Variants in SRSF3 observed in about 807,000 individuals in gnomAD.
SRSF3 encodes serine/arginine-rich splicing factor 3.
For missense variants in SRSF3, 58 were observed against 217.1 expected (o/e 0.27, Z 4.61); for synonymous variants, 87 against 73.6 (o/e 1.18, Z -0.93).
In SRSF3 at chr6:36,602,099, G is replaced by A. The variant is rs1336670119; in HGVS notation, c.*110G>A. 12 of 1,531,108 alleles carry A rather than the reference G, an allele frequency of 7.8e-6. No individual in the cohort carries two copies. The highest frequency in any genetic ancestry group is 2.3e-5 in the East Asian group (1 of 44,130). 94.8% of individuals were successfully genotyped at this position (1,531,108 alleles called of 1,614,324 possible). A position where few individuals can be genotyped will look rare whatever the true frequency, so the allele number is the denominator to read the frequency against. On this transcript the variant is annotated 3_prime_UTR_variant, in exon 6 of 6. Transcript: ENST00000373715. Reference sequence around the variant, plus strand: ...CTTCATAAGCTTGGTGCATTTTTAAGATGTTTTAGCTGTTCAAATCTGTTT... The same window carrying A: ...CTTCATAAGCTTGGTGCATTTTTAAAATGTTTTAGCTGTTCAAATCTGTTT...
Position 36,603,870 on chromosome 6 carries a change from T to G in SRSF3, c.*1881T>G, listed in dbSNP as rs1315607090. On this transcript the variant is annotated 3_prime_UTR_variant, in exon 6 of 6. Transcript: ENST00000373715. The stretch of plus-strand genomic sequence containing the variant: ...CAGTATATGACTTCCTTGCAGGCTC[T>G]TAAGTTGGAAGGGTTTCTGTAAAAA... 1 of 231,326 alleles carries G rather than the reference T, an allele frequency of 4.3e-6. No homozygotes were observed. Among genetic ancestry groups the G allele is most frequent in the South Asian group, 1.8e-4 (1 of 5,498 alleles). The allele number at this position is 231,326 out of a possible 1,614,324, so 14.3% of individuals were successfully genotyped here. A position where few individuals can be genotyped will look rare whatever the true frequency, so the allele number is the denominator to read the frequency against.
chr6:36,604,161 G>C lies in SRSF3; in HGVS notation c.*2172G>C, dbSNP rs540147705. On this transcript the variant is annotated 3_prime_UTR_variant, in exon 6 of 6. Coordinates refer to ENST00000373715, the MANE Select transcript of SRSF3 (RefSeq NM_003017.5). ...ATAACAGGTCACACTAACCGGTCTT[G>C]TCCATATTCAGGGTTGAGTGTAAAA... is the stretch of plus-strand genomic sequence containing the variant. 9.0e-5 allele frequency: 20 copies of C among 222,804 alleles called. No individual in the cohort carries two copies. Among genetic ancestry groups the C allele is most frequent in the African/African-American group, 4.0e-4 (18 of 44,836 alleles). The allele number at this position is 222,804 out of a possible 1,614,324, so 13.8% of individuals were successfully genotyped here.
At chr6:36,600,003 C>T (rs1046858015) in intron 3 of SRSF3, 2 of 1,274,134 alleles carry the variant, frequency 1.6e-6, no homozygotes, top group East Asian at 5.6e-5. Flanking sequence ...TTTCTCTCAG[C>T]CTTCTCTCCA....
chr6:36,599,176 T>C (rs1377306415), intron 3 of SRSF3, among the ~76,000 whole-genome samples, 193 bp downstream of exon 3: 1 of 152,212 alleles, frequency 6.6e-6, no homozygotes, highest in African/African-American at 2.4e-5. Context: ...TCACTGTTCA[T>C]GTTGGTAGTC....
intron 2 of SRSF3, 158 bp downstream of exon 2, chr6:36,597,126 AGAC>A: frequency 1.7e-6 from 1 of 590,228 alleles, no homozygotes; most frequent in Non-Finnish European, 2.7e-6. Flanking sequence ...TTTGGTGGGG[AGAC>A]GAGTCTTGCA....
rs1778772809 is a variant in SRSF3, at chr6:36,604,106, T to C, written c.*2117T>C. 1 of 224,528 alleles carries C rather than the reference T, an allele frequency of 4.5e-6. No individual in the cohort carries two copies. Among genetic ancestry groups the C allele is most frequent in the African/African-American group, 2.2e-5 (1 of 44,940 alleles). The allele number at this position is 224,528 out of a possible 1,614,324, so 13.9% of individuals were successfully genotyped here. ...GAATTGCACATTTAGATTGTGGCTA[T>C]TAGGAATTTTTAAAGTTGTAATTCC... On this transcript the variant is annotated 3_prime_UTR_variant, in exon 6 of 6. Transcript: ENST00000373715.
rs549504084 is a variant in SRSF3, at chr6:36,605,395, C to T, written c.*3406C>T. On this transcript the variant is annotated 3_prime_UTR_variant, in exon 6 of 6. Coordinates refer to ENST00000373715, the MANE Select transcript of SRSF3 (RefSeq NM_003017.5). ...ATGCCAGCCACTTGGGAGGCTGAGG[C>T]AGGAGAAGTGCTTAAACCTGGTGGG... 2.6e-4 allele frequency: 40 copies of T among 151,438 alleles called. No individual in the cohort carries two copies. The East Asian group carries it at 7.6e-3, about 29-fold the overall frequency. The allele number at this position is 151,438 out of a possible 1,614,324, so 9.4% of individuals were successfully genotyped here. A position where few individuals can be genotyped will look rare whatever the true frequency, so the allele number is the denominator to read the frequency against.
chr6:36,595,931 G>GTTTT (rs200013684), intron 1 of SRSF3, among the ~76,000 whole-genome samples: 2 of 143,562 alleles, frequency 1.4e-5, no homozygotes, highest in Non-Finnish European at 3.1e-5. Context: ...ATTTATTTGT[G>GTTTT]GTTTTTTTTT....
rs752335860 is a variant in SRSF3, at chr6:36,601,699, C to A, written c.381-9C>A. 1.3e-6 allele frequency: 2 copies of A among 1,583,046 alleles called. No individual in the cohort carries two copies. Among genetic ancestry groups the A allele is most frequent in the Non-Finnish European group, 1.7e-6 (2 of 1,157,578 alleles). On this transcript the variant is annotated splice_polypyrimidine_tract_variant and intron_variant, in intron 4 of 5. Transcript: ENST00000373715. ...CCTCATTGGTCCTAATGTTTTTTTG[C>A]TTGTTTAGGTCCCTTTCTAGAGATA...
chr6:36,601,893 A>G (rs1426115899), intron 5 of SRSF3, 69 bp from the exon 6 acceptor site: 7 of 1,587,800 alleles, frequency 4.4e-6, no homozygotes, highest in Non-Finnish European at 4.3e-6. Context: ...TTCTATTTCG[A>G]TATGTCACTA....
chr6:36,601,808 T>A lies in SRSF3; in HGVS notation c.467+14T>A. On this transcript the variant is annotated intron_variant, in intron 5 of 5. Coordinates refer to ENST00000373715, the MANE Select transcript of SRSF3 (RefSeq NM_003017.5). The stretch of plus-strand genomic sequence containing the variant: ...TAGGTCTCGTAGGTAAGATCTTTGA[T>A]AACTTGTATTTAAGACTTTGCATAC... 1 of 1,606,522 alleles carries A rather than the reference T, an allele frequency of 6.2e-7. No homozygotes were observed. The highest frequency in any genetic ancestry group is 8.5e-7 in the Non-Finnish European group (1 of 1,173,870).
In SRSF3 at chr6:36,597,188, C is replaced by G. The variant is rs1239839112; in HGVS notation, c.206+220C>G. The G allele has an allele frequency of 1.2e-5, 7 of 560,964 alleles. No individual in the cohort carries two copies. In the South Asian group the frequency reaches 1.5e-4, roughly 12 times the overall value. The allele number at this position is 560,964 out of a possible 1,614,324, so 34.7% of individuals were successfully genotyped here. On this transcript the variant is annotated intron_variant, in intron 2 of 5. Transcript: ENST00000373715. The stretch of plus-strand genomic sequence containing the variant: ...GGTACAGTCTCCCGCTCCCCGCAAC[C>G]TCGGCCTCCGGGGTTCAAGTGATTC...
chr6:36,601,090 A>G, intron 3 of SRSF3, 62 bp from the exon 4 acceptor site: 1 of 1,471,648 alleles, frequency 6.8e-7, no homozygotes, highest in Non-Finnish European at 9.2e-7. Flanking sequence ...AAAAGTTGGG[A>G]AATGCCTCAC....
chr6:36,596,257 C>T (rs1778625322), intron 1 of SRSF3, among the ~76,000 whole-genome samples: 1 of 152,016 alleles, frequency 6.6e-6, no homozygotes, highest in Non-Finnish European at 1.5e-5. Flanking sequence ...AATCGTTGGC[C>T]TTATTTTTAT....
chr6:36,597,094 G>GT, intron 2 of SRSF3, 126 bp downstream of exon 2: 1 of 614,110 alleles, frequency 1.6e-6, no homozygotes, highest in Non-Finnish European at 2.7e-6. Context: ...ATACAATTGG[G>GT]ATCTTTTTTT....
At chr6:36,598,379 G>A (rs1473255151) in intron 2 of SRSF3, 3 of 152,092 alleles carry the variant, frequency 2.0e-5, no homozygotes, top group Admixed American at 1.3e-4. Flanking sequence ...TTGAAACTGG[G>A]AAACAAGCTT....
At chr6:36,599,009 G>A in intron 3 of SRSF3, 26 bp downstream of exon 3, 1 of 1,613,146 alleles carries the variant, frequency 6.2e-7, no homozygotes, top group Non-Finnish European at 8.5e-7. Flanking sequence ...CTTGTTAAGA[G>A]GTATTGGTGT....
Position 36,604,578 on chromosome 6 carries a change from A to G in SRSF3, c.*2589A>G, listed in dbSNP as rs1481472990. 1.2e-5 allele frequency: 2 copies of G among 173,412 alleles called. No individual in the cohort carries two copies. Among genetic ancestry groups the G allele is most frequent in the African/African-American group, 4.7e-5 (2 of 42,106 alleles). The allele number at this position is 173,412 out of a possible 1,614,324, so 10.7% of individuals were successfully genotyped here. ...GGTACCCTGTGTCTACCATTTGAGT[A>G]TCTTAGAGATCCTTACAAACGTGAT... On this transcript the variant is annotated 3_prime_UTR_variant, in exon 6 of 6. Coordinates refer to ENST00000373715, the MANE Select transcript of SRSF3 (RefSeq NM_003017.5).
At position 36,603,905 on chromosome 6, in the gene SRSF3, C is replaced by G. The variant is rs373998680; in HGVS notation, c.*1916C>G. 2 of 229,026 alleles carry G rather than the reference C, an allele frequency of 8.7e-6. No individual in the cohort carries two copies. The highest frequency in any genetic ancestry group is 1.3e-3 in the Middle Eastern group (1 of 762). 14.2% of individuals were successfully genotyped at this position (229,026 alleles called of 1,614,324 possible). On this transcript the variant is annotated 3_prime_UTR_variant, in exon 6 of 6. Transcript: ENST00000373715. ...AGGGTTTCTGTAAAAAGGACAGTTA[C>G]GGGTATAATATGGCTAAGAGAAATA...
Sources: allele counts gnomAD v4.1 joint callset (sites outside exome capture counted in the v4.1 genomes callset), GRCh38; gene constraint gnomAD v4.1.1; transcripts MANE v1.5; gene names NCBI Gene and HGNC (gene_info 2026-07-23, HGNC 2026-07-21).